The following MBD5 variants were observed in gnomAD, a reference collection of about 807,000 sequenced individuals.
MBD5 encodes the protein methyl-CpG binding domain protein 5, also known as methyl-CpG-binding domain protein 5.
A neutral mutation model predicts 117.3 loss-of-function variants in MBD5; 13 were observed. The observed-to-expected ratio is 0.11, with a 90% CI of 0.07 to 0.18. MBD5 has a LOEUF of 0.18. Ranked by LOEUF, MBD5 falls within the 10% of genes least tolerant of loss-of-function variation. MBD5 has a pLI of 1.00. For missense variants in MBD5, 1,879 were observed against 2,093.8 expected (o/e 0.90, Z 2.00); for synonymous variants, 727 against 766.4 (o/e 0.95, Z 0.85).
chr2:148,504,899 TTTA>T (rs1238526680), intron 12 of MBD5, among the ~76,000 whole-genome samples: 1 of 152,178 alleles, frequency 6.6e-6, no homozygotes, highest in African/African-American at 2.4e-5. Flanking sequence ...AATAGGATGT[TTTA>T]TTGTTTTGGA....
At chr2:148,251,973 TGTG>T (rs1386846371) in intron 3 of MBD5, among the ~76,000 whole-genome samples, 4 of 152,134 alleles carry the variant, frequency 2.6e-5, no homozygotes, top group Non-Finnish European at 4.4e-5. Flanking sequence ...CTCAGCCAAG[TGTG>T]GTAAATTTTG....
chr2:148,500,601 T>C (rs183006819), intron 11 of MBD5, among the ~76,000 whole-genome samples: 1 of 152,332 alleles, frequency 6.6e-6, no homozygotes, highest in Non-Finnish European at 1.5e-5. Flanking sequence ...TAACTTTGTT[T>C]TTTAAATTAA....
chr2:148,451,780 G>T (rs1706735635), intron 4 of MBD5, among the ~76,000 whole-genome samples: 1 of 152,104 alleles, frequency 6.6e-6, no homozygotes. Context: ...GTTCACTTTT[G>T]CAAATATAGG....
At chr2:148,298,290 C>T (rs150295778) in intron 3 of MBD5, among the ~76,000 whole-genome samples, 165 of 152,290 alleles carry the variant, frequency 1.1e-3, no homozygotes, top group African/African-American at 3.4e-3. Context: ...AGCTTGCCTT[C>T]TGTGGAAGAT....
At chr2:148,250,433 C>T (rs894328752) in intron 3 of MBD5, among the ~76,000 whole-genome samples, 1 of 152,178 alleles carries the variant, frequency 6.6e-6, no homozygotes, top group Admixed American at 6.5e-5. Flanking sequence ...ACATGGACCC[C>T]TGAACCTTCT....
chr2:148,233,175 A>G (rs1700028458), intron 2 of MBD5, 70 bp from the exon 3 acceptor site: 1 of 152,252 alleles, frequency 6.6e-6, no homozygotes, highest in Admixed American at 6.5e-5. Flanking sequence ...TTAAATATGA[A>G]TGTAAAAGAA....
Position 148,430,092 on chromosome 2 carries a change from G to C in MBD5, c.-556-28111G>C, listed in dbSNP as rs1193535768. Among the ~76,000 whole-genome samples, 5 of 152,222 alleles carry C rather than the reference G, an allele frequency of 3.3e-5. No individual in the cohort carries two copies. In the East Asian group the frequency reaches 9.6e-4, roughly 29 times the overall value. ...TTTTATTTTTATGAGAATTTGACCA[G>C]AGCATACATTCTGTGTGAATTCAGT... On this transcript the variant is annotated intron_variant, in intron 4 of 13. Transcript: ENST00000642680.
chr2:148,034,453 A>G (rs2105615854), intron 1 of MBD5, among the ~76,000 whole-genome samples: 1 of 152,248 alleles, frequency 6.6e-6, no homozygotes, highest in East Asian at 1.9e-4. Context: ...AGGTTTAAAA[A>G]CCATGATTAT....
At chr2:148,491,756 A>G (rs1399894473) in intron 11 of MBD5, among the ~76,000 whole-genome samples, 1 of 152,000 alleles carries the variant, frequency 6.6e-6, no homozygotes, top group African/African-American at 2.4e-5. Flanking sequence ...TTTATTCTCT[A>G]TACTCTCTGA....
chr2:148,137,497 A>G (rs909424920), intron 1 of MBD5, among the ~76,000 whole-genome samples: 1 of 152,146 alleles, frequency 6.6e-6, no homozygotes, highest in Non-Finnish European at 1.5e-5. Context: ...CTCTTGGCTC[A>G]CACCTGTAAT....
At chr2:148,265,853 T>C (rs1574215283) in intron 3 of MBD5, among the ~76,000 whole-genome samples, 1 of 152,230 alleles carries the variant, frequency 6.6e-6, no homozygotes, top group African/African-American at 2.4e-5. Flanking sequence ...ATAGACAAGC[T>C]GCTTACTTTT....
chr2:148,317,266 G>A (rs1702176877), intron 3 of MBD5, among the ~76,000 whole-genome samples: 1 of 152,106 alleles, frequency 6.6e-6, no homozygotes, highest in Non-Finnish European at 1.5e-5. Flanking sequence ...CTACTCAGGA[G>A]GCTGAGGCAG....
At chr2:148,501,675 C>A (rs1264341921) in intron 11 of MBD5, among the ~76,000 whole-genome samples, 1 of 152,140 alleles carries the variant, frequency 6.6e-6, no homozygotes, top group Non-Finnish European at 1.5e-5. Flanking sequence ...TCCACACACA[C>A]ACATATCCCC....
chr2:148,047,686 A>T (rs947763258), intron 1 of MBD5, among the ~76,000 whole-genome samples: 42 of 152,246 alleles, frequency 2.8e-4, no homozygotes, highest in African/African-American at 8.4e-4. Context: ...AAGGTCATCT[A>T]GAGTATTCAT....
intron 4 of MBD5, among the ~76,000 whole-genome samples, chr2:148,358,074 G>T (rs1703432328): frequency 6.6e-6 from 1 of 151,972 alleles, no homozygotes; most frequent in Admixed American, 6.6e-5. Context: ...ATCTGTTAAT[G>T]GCCCATCCTC....
chr2:148,288,576 T>C (rs960790744), intron 3 of MBD5, among the ~76,000 whole-genome samples: 7 of 151,684 alleles, frequency 4.6e-5, no homozygotes, highest in Admixed American at 1.3e-4. Flanking sequence ...CTAGCACCAA[T>C]TGATTCACCA....
At chr2:148,139,772 A>T (rs980643371) in intron 1 of MBD5, among the ~76,000 whole-genome samples, 3 of 152,098 alleles carry the variant, frequency 2.0e-5, no homozygotes, top group African/African-American at 7.2e-5. Context: ...TGTTCACCAG[A>T]TGTACACGTA....
intron 3 of MBD5, among the ~76,000 whole-genome samples, chr2:148,308,491 CTT>C (rs60650324): frequency 0.018 from 1,195 of 66,568 alleles, 17 homozygotes; most frequent in African/African-American, 0.054. Flanking sequence ...GGGGTTCTTT[CTT>C]TTTTTTTTTT....
chr2:148,361,156 C>T (rs994538111), intron 4 of MBD5, among the ~76,000 whole-genome samples: 5 of 152,112 alleles, frequency 3.3e-5, no homozygotes, highest in African/African-American at 1.2e-4. Flanking sequence ...AACCAGCCAG[C>T]CTGGCCAACA....
Sources: allele counts gnomAD v4.1 joint callset (sites outside exome capture counted in the v4.1 genomes callset), GRCh38; gene constraint gnomAD v4.1.1; transcripts MANE v1.5; gene names NCBI Gene and HGNC (gene_info 2026-07-23, HGNC 2026-07-21).